Variants in TRDMT1 observed in about 807,000 individuals in gnomAD.
TRDMT1 encodes the protein tRNA (cytosine(38)-C(5))-methyltransferase.
TRDMT1 carries 49 observed loss-of-function variants against 51.2 expected under a neutral mutation model. The observed-to-expected ratio is 0.96, with a 90% CI of 0.76 to 1.21. TRDMT1 has a LOEUF of 1.21. Ranked by LOEUF, TRDMT1 falls within the 50% of genes most tolerant of loss-of-function variation. TRDMT1 has a pLI of 0.00. For synonymous variants in TRDMT1, 187 were observed against 164.6 expected, an observed-to-expected ratio of 1.14 and a Z score of -1.04; for missense variants, 534 against 462.3, an observed-to-expected ratio of 1.16 and a Z score of -1.42.
chr10:17,186,216 G>A (rs948556979), intron 1 of TRDMT1, among the ~76,000 whole-genome samples: 12 of 152,090 alleles, frequency 7.9e-5, no homozygotes, highest in Non-Finnish European at 4.4e-5. Flanking sequence ...TTCTTAAGGT[G>A]TGATAGGCAA....
At chr10:17,176,041 A>G (rs1225916859) in intron 1 of TRDMT1, among the ~76,000 whole-genome samples, 1 of 152,190 alleles carries the variant, frequency 6.6e-6, no homozygotes, top group East Asian at 1.9e-4. Flanking sequence ...TGAGGTTATA[A>G]ATTGTATCTG....
chr10:17,168,980 G>C, intron 2 of TRDMT1, 63 bp from the exon 3 acceptor site: 1 of 1,023,176 alleles, frequency 9.8e-7, no homozygotes, highest in Non-Finnish European at 1.4e-6. Context: ...GGGGAAGAGG[G>C]AAAATACTAA....
chr10:17,199,074 A>G (rs1845816227), intron 1 of TRDMT1, among the ~76,000 whole-genome samples: 1 of 152,222 alleles, frequency 6.6e-6, no homozygotes, highest in African/African-American at 2.4e-5. Context: ...AATAAACACT[A>G]AAGTTAGCTG....
In TRDMT1 at chr10:17,137,539, G is replaced by A. The variant is rs955989617; in HGVS notation, c.*11501C>T. 1 of 152,158 alleles carries A rather than the reference G, an allele frequency of 6.6e-6. No individual in the cohort carries two copies. The highest frequency in any genetic ancestry group is 1.5e-5 in the Non-Finnish European group (1 of 68,074). 9.4% of individuals were successfully genotyped at this position (152,158 alleles called of 1,614,324 possible). ...GCCCAGTATGGGCACACTATAGAAAGTGGTTCCACTGGCCGGGCTCAGTGC... is the reference window on the plus strand; with the variant it reads ...GCCCAGTATGGGCACACTATAGAAAATGGTTCCACTGGCCGGGCTCAGTGC... On this transcript the variant is annotated 3_prime_UTR_variant, in exon 11 of 11. Transcript: ENST00000377799.
At chr10:17,155,011 G>A (rs1307203741) in intron 8 of TRDMT1, among the ~76,000 whole-genome samples, 1 of 50,514 alleles carries the variant, frequency 2.0e-5, no homozygotes, top group Non-Finnish European at 5.1e-5. Context: ...CCTGAGGTCA[G>A]AGGAGTTCGA....
intron 1 of TRDMT1, among the ~76,000 whole-genome samples, chr10:17,196,381 C>G (rs1039630404): frequency 6.6e-6 from 1 of 152,206 alleles, no homozygotes; most frequent in African/African-American, 2.4e-5. Context: ...TATTCACCAC[C>G]TTAAACCACA....
intron 6 of TRDMT1, among the ~76,000 whole-genome samples, chr10:17,159,823 C>A (rs1038467620): frequency 6.6e-6 from 1 of 152,148 alleles, no homozygotes; most frequent in African/African-American, 2.4e-5. Context: ...AAATTCAAAT[C>A]TGTCAAATAA....
At chr10:17,187,221 AT>A (rs1172830645) in intron 1 of TRDMT1, among the ~76,000 whole-genome samples, 1 of 152,160 alleles carries the variant, frequency 6.6e-6, no homozygotes, top group African/African-American at 2.4e-5. Context: ...GTGTGTCCCA[AT>A]TTTTTAACAA....
In TRDMT1 at chr10:17,168,810, A is replaced by G. The variant is rs776298194; in HGVS notation, c.251+31T>C. On this transcript the variant is annotated intron_variant, in intron 3 of 10. Transcript: ENST00000377799. ...TTTATCAGCAGCATGAAAATGGACC[A>G]ATACAACACTGAAATATTTATGACA... is the stretch of plus-strand genomic sequence containing the variant. The G allele has an allele frequency of 1.6e-5, 24 of 1,487,848 alleles. No homozygotes were observed. In the South Asian group the frequency reaches 2.8e-4, roughly 18 times the overall value. 92.2% of individuals were successfully genotyped at this position (1,487,848 alleles called of 1,614,324 possible).
chr10:17,153,532 A>C lies in TRDMT1; in HGVS notation c.1050T>G (p.Asn350Lys). The part of the protein sequence containing the change: ...LRYFTPKEIA[N>K]LLGFPPEFGF... The stretch of plus-strand genomic sequence containing the variant: ...CGAACTCTGGAGGAAATCCAAGGAG[A>C]TTTGCTATTTCTTTAGGAGTGAAAT... Residue 350 changes from asparagine (N) to lysine (K), a missense_variant, in exon 10 of 11, where the codon AAT becomes AAG. Asn to Lys is a moderately conservative substitution (Grantham distance 94). Transcript: ENST00000377799. The C allele has an allele frequency of 6.2e-7, 1 of 1,614,056 alleles. No individual in the cohort carries two copies. The highest frequency in any genetic ancestry group is 8.5e-7 in the Non-Finnish European group (1 of 1,179,978).
chr10:17,156,306 C>G lies in TRDMT1; in HGVS notation c.887+1135G>C, dbSNP rs145657624. Among the ~76,000 whole-genome samples, 1,304 of 151,708 alleles carry G rather than the reference C, an allele frequency of 8.6e-3. 22 individuals are homozygous for G. Among genetic ancestry groups the G allele is most frequent in the African/African-American group, 0.029 (1,209 of 41,342 alleles). ...CTGGAGTGCAGGGATATGATCTCGG[C>G]TCACTGCAACCTCTGCCCCCCAGAT... is the stretch of plus-strand genomic sequence containing the variant. On this transcript the variant is annotated intron_variant, in intron 8 of 10. Coordinates refer to ENST00000377799, the MANE Select transcript of TRDMT1 (RefSeq NM_004412.7).
At chr10:17,186,868 C>T (rs1844005330) in intron 1 of TRDMT1, among the ~76,000 whole-genome samples, 1 of 152,128 alleles carries the variant, frequency 6.6e-6, no homozygotes, top group Admixed American at 6.5e-5. Context: ...ATAAATTCTA[C>T]ATTTAATGGC....
Position 17,140,675 on chromosome 10 carries a change from A to G in TRDMT1, c.*8365T>C, listed in dbSNP as rs1458080286. ...AAGACTTGAAACTGAGTGTTTTGAA[A>G]GAAAGAACATTTTAAATGATAAAAC... On this transcript the variant is annotated 3_prime_UTR_variant, in exon 11 of 11. Coordinates refer to ENST00000377799, the MANE Select transcript of TRDMT1 (RefSeq NM_004412.7). Among the ~76,000 whole-genome samples, 1 of 152,228 alleles carries G rather than the reference A, an allele frequency of 6.6e-6. No homozygotes were observed. The highest frequency in any genetic ancestry group is 2.4e-5 in the African/African-American group (1 of 41,448).
Position 17,162,066 on chromosome 10 carries a change from T to C in TRDMT1, c.323+100A>G, listed in dbSNP as rs542799135. 387 of 967,470 alleles carry C rather than the reference T, an allele frequency of 4.0e-4. 1 individual carries two copies. The highest frequency in any genetic ancestry group is 2.1e-3 in the African/African-American group (129 of 60,222). 59.9% of individuals were successfully genotyped at this position (967,470 alleles called of 1,614,324 possible). On this transcript the variant is annotated intron_variant, in intron 4 of 10. Transcript: ENST00000377799. ...ACAGGCCCAATATCTCAAGGGAGCA[T>C]GTATAAATGGCTATCCTCTACAAAA...
rs1192967168 is a variant in TRDMT1, at chr10:17,157,588, T to A, written c.740A>T (p.Asp247Val). The A allele has an allele frequency of 1.2e-6, 2 of 1,613,958 alleles. No homozygotes were observed. Among genetic ancestry groups the A allele is most frequent in the East Asian group, 4.5e-5 (2 of 44,870 alleles). Residue 247 changes from aspartate to valine, a missense_variant, in exon 8 of 11, where the codon GAT becomes GTT. Asp to Val is a radical substitution (Grantham distance 152). Coordinates refer to ENST00000377799, the MANE Select transcript of TRDMT1 (RefSeq NM_004412.7). ...ATCTTTTAGCATTTTCACAGAGAGA[T>A]CACTATCTTGTTGATTTTTCCTGTG... Reference protein sequence around the residue: ...EIHRKNQQDSDLSVKMLKDFL... With the variant: ...EIHRKNQQDSVLSVKMLKDFL...
At position 17,157,504 on chromosome 10, in the gene TRDMT1, C is replaced by T. The variant is rs773045269; in HGVS notation, c.824G>A (p.Arg275Gln). The T allele has an allele frequency of 5.6e-6, 9 of 1,613,984 alleles. No homozygotes were observed. The highest frequency in any genetic ancestry group is 1.6e-4 in the Middle Eastern group (1 of 6,062). The stretch of plus-strand genomic sequence containing the variant: ...AACAATGTCTAACAGAAGAGCATAT[C>T]GCAGCAATGACTTTGGTGGTAAAAG... ...QYLLPPKSLL[R>Q]YALLLDIVQP... Residue 275 changes from arginine to glutamine, a missense_variant, in exon 8 of 11, where the codon CGA (arginine) becomes CAA (glutamine). Coordinates refer to ENST00000377799, the MANE Select transcript of TRDMT1 (RefSeq NM_004412.7).
At chr10:17,180,912 T>C (rs538835935) in intron 1 of TRDMT1, among the ~76,000 whole-genome samples, 1 of 152,334 alleles carries the variant, frequency 6.6e-6, no homozygotes, top group Non-Finnish European at 1.5e-5. Context: ...CTCAGTCTCT[T>C]TGAAGTAAAT....
intron 1 of TRDMT1, among the ~76,000 whole-genome samples, chr10:17,186,049 T>TAATAAATAAATAAATAAATA (rs10688504): frequency 7.0e-6 from 1 of 143,026 alleles, no homozygotes; most frequent in Non-Finnish European, 1.5e-5. Context: ...ACTTACAGTA[T>TAATAAATAAATAAATAAATA]AATAAATAAA....
intron 1 of TRDMT1, among the ~76,000 whole-genome samples, chr10:17,176,165 T>C (rs1310122153): frequency 6.6e-6 from 1 of 152,226 alleles, no homozygotes; most frequent in Non-Finnish European, 1.5e-5. Context: ...AGTCAAGAAT[T>C]AAGCTACTAC....
Sources: allele counts gnomAD v4.1 joint callset (sites outside exome capture counted in the v4.1 genomes callset), GRCh38; gene constraint gnomAD v4.1.1; transcripts MANE v1.5; gene names NCBI Gene and HGNC (gene_info 2026-07-23, HGNC 2026-07-21).